Variants in BTRC observed in about 807,000 individuals in gnomAD.
The protein encoded by BTRC is beta-transducin repeat containing E3 ubiquitin protein ligase, also known as F-box/WD repeat-containing protein 1A.
A neutral mutation model predicts 85.5 loss-of-function variants in BTRC; 42 were observed. The observed-to-expected ratio is 0.49, with a 90% CI of 0.38 to 0.64. The LOEUF (loss-of-function observed/expected upper bound fraction) is 0.64, where lower values mean the gene tolerates loss of function less well. Ranked by LOEUF, BTRC falls within the 30% of genes least tolerant of loss-of-function variation. BTRC has a pLI of 0.00. For synonymous variants in BTRC, 255 were observed against 263.3 expected (o/e 0.97, Z 0.30); for missense variants, 594 against 743.5 (o/e 0.80, Z 2.34).
rs1481369465 is a variant in BTRC at position 101,455,195 on chromosome 10, C to T, written c.157-6786C>T. 4.6e-5 allele frequency among the ~76,000 whole-genome samples: 7 copies of T among 151,008 alleles called. No individual in the cohort carries two copies. The East Asian group carries it at 1.2e-3, about 25-fold the overall frequency. ...CCTCCTGAGTAGCTAGGACGACAAG[C>T]ATGTGCCACTATGCCCAGCTAATTT... On this transcript the variant is annotated intron_variant, in intron 2 of 14. Transcript: ENST00000370187.
intron 1 of BTRC, among the ~76,000 whole-genome samples, chr10:101,366,782 A>ATTTTTTTATATT (rs1564729588): frequency 2.1e-4 from 17 of 81,630 alleles, no homozygotes; most frequent in Middle Eastern, 7.0e-3. Context: ...ATATATATAT[A>ATTTTTTTATATT]TATATATTTT....
At chr10:101,394,270 T>C (rs1292452027) in intron 1 of BTRC, among the ~76,000 whole-genome samples, 1 of 152,228 alleles carries the variant, frequency 6.6e-6, no homozygotes, top group Admixed American at 6.5e-5. Context: ...ATATAAATTT[T>C]GGAAATGGGA....
At chr10:101,484,459 T>C (rs1945929120) in intron 4 of BTRC, among the ~76,000 whole-genome samples, 1 of 152,244 alleles carries the variant, frequency 6.6e-6, no homozygotes, top group Non-Finnish European at 1.5e-5. Context: ...TTTTTTTCCA[T>C]GCTACTTGCT....
At chr10:101,495,882 A>G (rs867303194) in intron 4 of BTRC, among the ~76,000 whole-genome samples, 3 of 151,946 alleles carry the variant, frequency 2.0e-5, no homozygotes, top group African/African-American at 7.2e-5. Context: ...TGAAAAGACC[A>G]TTACCGGAGC....
chr10:101,534,175 G>T (rs2062347068), intron 9 of BTRC, among the ~76,000 whole-genome samples: 1 of 152,006 alleles, frequency 6.6e-6, no homozygotes, highest in Admixed American at 6.6e-5. Flanking sequence ...CAGAAATGGG[G>T]GCTTAGAATT....
At chr10:101,366,919 T>TATATATATATTA (rs1942435233) in intron 1 of BTRC, among the ~76,000 whole-genome samples, 4 of 4,880 alleles carry the variant, frequency 8.2e-4, no homozygotes, top group African/African-American at 1.7e-3. Context: ...AATATATATT[T>TATATATATATTA]ATATATATTT....
At chr10:101,385,612 C>CT (rs1418866692) in intron 1 of BTRC, among the ~76,000 whole-genome samples, 1 of 13,166 alleles carries the variant, frequency 7.6e-5, no homozygotes, top group African/African-American at 2.9e-4. Context: ...TTTCTTTCTT[C>CT]TTCTTCTTTT....
rs748572060 is a variant in BTRC at position 101,479,476 on chromosome 10, C to G, written c.324+19C>G. The G allele has an allele frequency of 1.9e-6, 3 of 1,575,578 alleles. No individual in the cohort carries two copies. The highest frequency in any genetic ancestry group is 1.3e-5 in the African/African-American group (1 of 74,094). On this transcript the variant is annotated intron_variant, in intron 4 of 14. Transcript: ENST00000370187. ...GGCCAAAGTAAGTAATATTGCTCATCAATGTATATTACACCACACCATAAC... is the reference window on the plus strand; with the variant it reads ...GGCCAAAGTAAGTAATATTGCTCATGAATGTATATTACACCACACCATAAC...
chr10:101,355,020 GT>G (rs1941993770), intron 1 of BTRC, among the ~76,000 whole-genome samples: 1 of 152,176 alleles, frequency 6.6e-6, no homozygotes. Flanking sequence ...TAAGGACAAG[GT>G]GATGAAAAGT....
chr10:101,362,337 G>C (rs1298196447), intron 1 of BTRC, among the ~76,000 whole-genome samples: 1 of 152,024 alleles, frequency 6.6e-6, no homozygotes, highest in Non-Finnish European at 1.5e-5. Context: ...TTGCCTTCCT[G>C]CTCCTAGGCT....
At chr10:101,361,015 A>G (rs1942190067) in intron 1 of BTRC, among the ~76,000 whole-genome samples, 1 of 151,982 alleles carries the variant, frequency 6.6e-6, no homozygotes. Context: ...TGTGTTGCCC[A>G]GGCTGGTCTG....
Position 101,555,232 on chromosome 10 carries a change from G to C in BTRC, c.*2109G>C, listed in dbSNP as rs1217711644. On this transcript the variant is annotated 3_prime_UTR_variant, in exon 15 of 15. Transcript: ENST00000370187. ...ATTTAAAAGGCATGGGTTTCGAGCT[G>C]TCTCAAAATATTGCCCAATAGCCAT... The C allele has an allele frequency of 1.3e-5, 2 of 152,672 alleles. No individual in the cohort carries two copies. Among genetic ancestry groups the C allele is most frequent in the African/African-American group, 2.4e-5 (1 of 41,458 alleles). The allele number at this position is 152,672 out of a possible 1,614,324, so 9.5% of individuals were successfully genotyped here.
At chr10:101,373,749 T>C (rs7916217) in intron 1 of BTRC, among the ~76,000 whole-genome samples, 147,525 of 152,150 alleles carry the variant, frequency 0.97, 71,687 homozygotes, top group East Asian at 1. Context: ...AACTCAGTCT[T>C]TACTAAAAAA....
intron 1 of BTRC, among the ~76,000 whole-genome samples, chr10:101,405,015 A>C (rs948087238): frequency 9.2e-5 from 14 of 151,560 alleles, no homozygotes; most frequent in Non-Finnish European, 1.9e-4. Context: ...AAAAAAAAAA[A>C]AAAGTCTATG....
At chr10:101,386,811 T>A (rs907869488) in intron 1 of BTRC, among the ~76,000 whole-genome samples, 3 of 152,222 alleles carry the variant, frequency 2.0e-5, no homozygotes, top group African/African-American at 7.2e-5. Flanking sequence ...GGGGTGTTTT[T>A]AATTAGTACT....
chr10:101,477,724 A>C (rs928358854), intron 3 of BTRC, among the ~76,000 whole-genome samples: 1 of 152,012 alleles, frequency 6.6e-6, no homozygotes, highest in Non-Finnish European at 1.5e-5. Flanking sequence ...ATCTCAGCTC[A>C]CTACAACCTC....
At chr10:101,537,103 A>C (rs781001725) in intron 12 of BTRC, among the ~76,000 whole-genome samples, 1 of 152,156 alleles carries the variant, frequency 6.6e-6, no homozygotes, top group Non-Finnish European at 1.5e-5. Context: ...TTCTCTTGTC[A>C]TCACTTGTCA....
intron 1 of BTRC, among the ~76,000 whole-genome samples, chr10:101,427,423 A>G (rs1043880862): frequency 6.7e-6 from 1 of 149,320 alleles, no homozygotes; most frequent in African/African-American, 2.5e-5. Context: ...GCCTGTGTAC[A>G]GCATTTCTTA....
At chr10:101,367,010 ATATATATTTATATT>A (rs1942467977) in intron 1 of BTRC, among the ~76,000 whole-genome samples, 2 of 75,576 alleles carry the variant, frequency 2.6e-5, no homozygotes, top group South Asian at 3.2e-4. Flanking sequence ...ATATATTTAT[ATATATATTTATATT>A]TATATATTTA....
Sources: allele counts gnomAD v4.1 joint callset (sites outside exome capture counted in the v4.1 genomes callset), GRCh38; gene constraint gnomAD v4.1.1; transcripts MANE v1.5; gene names NCBI Gene and HGNC (gene_info 2026-07-23, HGNC 2026-07-21).